GNPAT: variants seen among roughly 807,000 people sequenced by gnomAD.
GNPAT encodes the protein glyceronephosphate O-acyltransferase, also known as dihydroxyacetone phosphate acyltransferase.
Under a neutral mutation model 78.4 loss-of-function variants are expected in GNPAT, and 30 were observed. The ratio of observed to expected loss-of-function variants is 0.38; its 90% CI spans 0.29 to 0.52. GNPAT has a LOEUF of 0.52. GNPAT is among the 20% of genes least tolerant of loss of function. GNPAT has a pLI of 0.84. For synonymous variants in GNPAT, 271 were observed against 281.1 expected (o/e 0.96, Z 0.36); for missense variants, 714 against 812.2 (o/e 0.88, Z 1.47).
At chr1:231,268,599 AC>A (rs931674276) in intron 9 of GNPAT, among the ~76,000 whole-genome samples, 1 of 109,266 alleles carries the variant, frequency 9.2e-6, no homozygotes, top group African/African-American at 3.6e-5. Context: ...ACATAGTGAG[AC>A]CCCATCTCCA....
intron 1 of GNPAT, among the ~76,000 whole-genome samples, chr1:231,243,962 G>A (rs923966896): frequency 7.2e-5 from 11 of 151,818 alleles, no homozygotes; most frequent in African/African-American, 2.7e-4. Flanking sequence ...AGGCTGGAGT[G>A]TAATGGCACA....
intron 1 of GNPAT, among the ~76,000 whole-genome samples, chr1:231,242,145 T>C (rs997000280): frequency 2.0e-5 from 3 of 152,176 alleles, no homozygotes; most frequent in Non-Finnish European, 2.9e-5. Context: ...ACCCACGATT[T>C]TCATGAAGAA....
At chr1:231,251,740 G>A (rs1684904886) in intron 2 of GNPAT, among the ~76,000 whole-genome samples, 1 of 152,182 alleles carries the variant, frequency 6.6e-6, no homozygotes, top group African/African-American at 2.4e-5. Flanking sequence ...CCGAAGCCTT[G>A]AAAAGACTTG....
intron 15 of GNPAT, among the ~76,000 whole-genome samples, chr1:231,276,548 C>T (rs1270619908): frequency 6.6e-6 from 1 of 152,234 alleles, no homozygotes; most frequent in Non-Finnish European, 1.5e-5. Flanking sequence ...TCTTGCATTG[C>T]TTCTTTCCCA....
At chr1:231,257,352 A>G (rs1200314830) in intron 2 of GNPAT, among the ~76,000 whole-genome samples, 7 of 152,008 alleles carry the variant, frequency 4.6e-5, no homozygotes, top group Admixed American at 3.9e-4. Flanking sequence ...AGTGGGCTAC[A>G]TGTGGTGTCT....
At chr1:231,242,077 C>T (rs918468078) in intron 1 of GNPAT, among the ~76,000 whole-genome samples, 4 of 152,160 alleles carry the variant, frequency 2.6e-5, no homozygotes, top group Admixed American at 2.6e-4. Flanking sequence ...TTTTTTTCCT[C>T]CAACCCCCTC....
chr1:231,277,811 C>T lies in GNPAT; in HGVS notation c.*269C>T, dbSNP rs1685759251. 1 of 418,656 alleles carries T rather than the reference C, an allele frequency of 2.4e-6. No homozygotes were observed. Among genetic ancestry groups the T allele is most frequent in the Non-Finnish European group, 4.4e-6 (1 of 229,030 alleles). The allele number at this position is 418,656 out of a possible 1,614,324, so 25.9% of individuals were successfully genotyped here. A position where few individuals can be genotyped will look rare whatever the true frequency, so the allele number is the denominator to read the frequency against. On this transcript the variant is annotated 3_prime_UTR_variant, in exon 16 of 16. Coordinates refer to ENST00000366647, the MANE Select transcript of GNPAT (RefSeq NM_014236.4). ...ATGTTTGGAAAAGCAAAGCTCAGCT[C>T]ATTTCACTAACACTTTTCAGCTTAC... is the stretch of plus-strand genomic sequence containing the variant.
intron 2 of GNPAT, among the ~76,000 whole-genome samples, chr1:231,254,755 ATT>A (rs1202180202): frequency 5.7e-5 from 8 of 140,022 alleles, no homozygotes; most frequent in Non-Finnish European, 6.2e-5. Context: ...GCCGAAAAAA[ATT>A]TTTTTTTTTT....
In GNPAT at chr1:231,256,539, T is replaced by C. The variant is rs555173676; in HGVS notation, c.262-3968T>C. ...TCTTGCTCTGTTGCCCAGGCTGGAG[T>C]GCAGTGGCGCGATCTGGGCTCACTG... On this transcript the variant is annotated intron_variant, in intron 2 of 15. Transcript: ENST00000366647. Among the ~76,000 whole-genome samples the C allele has an allele frequency of 1.2e-4, 16 of 128,660 alleles. 1 individual carries two copies. The East Asian group carries it at 2.2e-3, about 18-fold the overall frequency. The allele number at this position is 128,660 out of a possible 152,430, so 84.4% of individuals were successfully genotyped here. A position where few individuals can be genotyped will look rare whatever the true frequency, so the allele number is the denominator to read the frequency against.
At chr1:231,256,916 T>C (rs1685084483) in intron 2 of GNPAT, among the ~76,000 whole-genome samples, 2 of 152,204 alleles carry the variant, frequency 1.3e-5, no homozygotes, top group Non-Finnish European at 2.9e-5. Flanking sequence ...AGGAAAGATG[T>C]GATTACTTTT....
intron 4 of GNPAT, among the ~76,000 whole-genome samples, chr1:231,263,884 T>C (rs1354430117): frequency 1.3e-5 from 2 of 152,240 alleles, no homozygotes; most frequent in Admixed American, 6.5e-5. Context: ...TGGCCATTTG[T>C]ATATCTTTGG....
chr1:231,256,342 C>T (rs1685058573), intron 2 of GNPAT, among the ~76,000 whole-genome samples: 1 of 151,632 alleles, frequency 6.6e-6, no homozygotes, highest in Non-Finnish European at 1.5e-5. Flanking sequence ...TTACCTCCTA[C>T]CCCCACCCAG....
At chr1:231,253,558 T>G (rs929103595) in intron 2 of GNPAT, among the ~76,000 whole-genome samples, 3 of 152,248 alleles carry the variant, frequency 2.0e-5, no homozygotes, top group Non-Finnish European at 4.4e-5. Context: ...TTTGGACATA[T>G]GAGCTGTGCT....
Position 231,266,204 on chromosome 1 carries a change from C to G in GNPAT, c.924+39C>G, listed in dbSNP as rs751257432. 9 of 1,612,036 alleles carry G rather than the reference C, an allele frequency of 5.6e-6. No individual in the cohort carries two copies. In the South Asian group the frequency reaches 8.8e-5, roughly 16 times the overall value. ...ATTTTAGCTTAATTGAGAGAATGTG[C>G]TGACTGACACATCAACTAATTTCTA... On this transcript the variant is annotated intron_variant, in intron 7 of 15. Coordinates refer to ENST00000366647, the MANE Select transcript of GNPAT (RefSeq NM_014236.4).
intron 1 of GNPAT, among the ~76,000 whole-genome samples, chr1:231,246,855 A>C (rs1055200509): frequency 3.3e-5 from 5 of 152,182 alleles, no homozygotes; most frequent in African/African-American, 1.2e-4. Flanking sequence ...AGGTTATTTT[A>C]ATGTGCAGCC....
At chr1:231,248,842 A>G (rs145071840) in intron 1 of GNPAT, among the ~76,000 whole-genome samples, 1,988 of 152,304 alleles carry the variant, frequency 0.013, 29 homozygotes, top group African/African-American at 0.045. Flanking sequence ...AACATGCTGT[A>G]CAGGTTTGTA....
rs535939373 is a variant in GNPAT at position 231,262,584 on chromosome 1, T to A, written c.439-139T>A. ...CTTTTACCTTATCAGAGCAAATCGT[T>A]TATGTGTATGGCAAAAAGGCAGAAA... On this transcript the variant is annotated intron_variant, in intron 3 of 15. Coordinates refer to ENST00000366647, the MANE Select transcript of GNPAT (RefSeq NM_014236.4). 7.1e-6 allele frequency: 5 copies of A among 708,956 alleles called. No individual in the cohort carries two copies. The South Asian group carries it at 7.9e-5, about 11-fold the overall frequency. The allele number at this position is 708,956 out of a possible 1,614,324, so 43.9% of individuals were successfully genotyped here. A position where few individuals can be genotyped will look rare whatever the true frequency, so the allele number is the denominator to read the frequency against.
chr1:231,267,976 C>A, intron 9 of GNPAT, 73 bp downstream of exon 9: 1 of 931,102 alleles, frequency 1.1e-6, no homozygotes, highest in Non-Finnish European at 1.7e-6. Context: ...CCTGAAAAAT[C>A]TATAGAGGAC....
chr1:231,243,079 A>G (rs1015358991), intron 1 of GNPAT, among the ~76,000 whole-genome samples: 7 of 152,278 alleles, frequency 4.6e-5, no homozygotes, highest in African/African-American at 1.7e-4. Flanking sequence ...GAATATATAC[A>G]GTATCCTACT....
Sources: gnomAD v4.1 joint callset for allele counts (sites outside exome capture counted in the v4.1 genomes callset) on GRCh38, gnomAD v4.1.1 for gene constraint, MANE v1.5 for transcripts, NCBI Gene and HGNC (gene_info 2026-07-23, HGNC 2026-07-21) for gene names.